Variants in CDKAL1 observed in about 807,000 individuals in gnomAD.
The protein encoded by CDKAL1 is threonylcarbamoyladenosine tRNA methylthiotransferase.
CDKAL1 carries 32 observed loss-of-function variants against 68.2 expected under a neutral mutation model. That is an observed-to-expected ratio of 0.47 (90% CI 0.35 to 0.63). The LOEUF is 0.63. CDKAL1 is among the 30% of genes least tolerant of loss of function. CDKAL1 has a pLI of 0.00. For synonymous variants in CDKAL1, 234 were observed against 244.3 expected, an observed-to-expected ratio of 0.96 and a Z score of 0.39; for missense variants, 606 against 696.7, an observed-to-expected ratio of 0.87 and a Z score of 1.47.
rs1768774316 is a variant in CDKAL1 at position 21,023,145 on chromosome 6, CA to C, written c.1055+22774del. ...TCAATTGATAATTTTTTTTTTTTAC[CA>C]TTAGCCTTTGAACATTAGTAGTAAC... On this transcript the variant is annotated intron_variant, in intron 11 of 15. Coordinates refer to ENST00000274695, the MANE Select transcript of CDKAL1 (RefSeq NM_017774.3). Among the ~76,000 whole-genome samples the C allele has an allele frequency of 2.7e-5, 4 of 149,650 alleles. No homozygotes were observed. In the South Asian group the frequency reaches 8.4e-4, roughly 31 times the overall value.
intron 11 of CDKAL1, among the ~76,000 whole-genome samples, chr6:21,016,802 A>G (rs1222415590): frequency 6.6e-6 from 1 of 152,154 alleles, no homozygotes; most frequent in Non-Finnish European, 1.5e-5. Context: ...TAAATGACTC[A>G]TGTCTAACTT....
chr6:20,548,763 G>C, intron 4 of CDKAL1, 58 bp downstream of exon 4: 1 of 769,004 alleles, frequency 1.3e-6, no homozygotes, highest in South Asian at 1.7e-5. Flanking sequence ...AGCTTTTAGA[G>C]ATAAATAGCC....
intron 5 of CDKAL1, among the ~76,000 whole-genome samples, chr6:20,719,648 A>G (rs12110493): frequency 0.098 from 14,930 of 152,198 alleles, 1,293 homozygotes; most frequent in African/African-American, 0.23. Context: ...CCTCTATTGT[A>G]AAATACAATA....
At chr6:20,746,294 C>A (rs775823771) in intron 6 of CDKAL1, among the ~76,000 whole-genome samples, 2 of 152,170 alleles carry the variant, frequency 1.3e-5, no homozygotes, top group Admixed American at 6.5e-5. Context: ...TGTCATGTAA[C>A]TTCTGTTGAA....
chr6:21,095,979 A>G (rs561096477), intron 12 of CDKAL1, among the ~76,000 whole-genome samples: 28 of 152,308 alleles, frequency 1.8e-4, no homozygotes, highest in Non-Finnish European at 2.4e-4. Flanking sequence ...GCAGAGAGAG[A>G]TATCAGTGAT....
chr6:21,111,597 G>T (rs1774123583), intron 13 of CDKAL1, among the ~76,000 whole-genome samples: 1 of 152,202 alleles, frequency 6.6e-6, no homozygotes, highest in Non-Finnish European at 1.5e-5. Flanking sequence ...CAAAGCCATT[G>T]TTTAGGTTGT....
At chr6:20,985,694 A>T (rs1300177748) in intron 10 of CDKAL1, among the ~76,000 whole-genome samples, 1 of 151,998 alleles carries the variant, frequency 6.6e-6, no homozygotes, top group Non-Finnish European at 1.5e-5. Context: ...CTGAAGCGGG[A>T]GGATCCCTTG....
intron 9 of CDKAL1, among the ~76,000 whole-genome samples, chr6:20,871,885 G>C (rs1419131989): frequency 6.6e-6 from 1 of 152,078 alleles, no homozygotes; most frequent in Non-Finnish European, 1.5e-5. Context: ...CCTTCAATTA[G>C]TTTACAAACA....
intron 9 of CDKAL1, among the ~76,000 whole-genome samples, chr6:20,929,273 T>A (rs7747830): frequency 6.6e-6 from 1 of 152,020 alleles, no homozygotes; most frequent in Non-Finnish European, 1.5e-5. Flanking sequence ...TCAGTTTTTT[T>A]GGGGACTACT....
At chr6:20,938,505 A>G (rs747775158) in intron 9 of CDKAL1, among the ~76,000 whole-genome samples, 1 of 152,152 alleles carries the variant, frequency 6.6e-6, no homozygotes. Flanking sequence ...GTGCACTTCT[A>G]TGTAGACTGA....
chr6:21,192,795 C>A (rs1778308781), intron 13 of CDKAL1, among the ~76,000 whole-genome samples: 1 of 144,966 alleles, frequency 6.9e-6, no homozygotes, highest in Non-Finnish European at 1.5e-5. Context: ...CAAGAAAATA[C>A]TTTGTTGAGA....
intron 4 of CDKAL1, among the ~76,000 whole-genome samples, chr6:20,567,213 A>T (rs967192832): frequency 1.4e-5 from 2 of 145,372 alleles, no homozygotes; most frequent in African/African-American, 5.0e-5. Context: ...GGTCTTTGCC[A>T]TTGAAAGTAA....
intron 4 of CDKAL1, among the ~76,000 whole-genome samples, chr6:20,613,323 A>G (rs1484290229): frequency 1.7e-5 from 2 of 117,094 alleles, no homozygotes; most frequent in East Asian, 2.5e-4. Context: ...CACCCAGGCT[A>G]GAGTGCAGTG....
intron 5 of CDKAL1, among the ~76,000 whole-genome samples, chr6:20,660,548 G>A (rs1179548413): frequency 2.0e-5 from 3 of 152,160 alleles, no homozygotes; most frequent in Non-Finnish European, 4.4e-5. Flanking sequence ...CTCCCTTCTT[G>A]GAGTAGTCAC....
chr6:21,174,405 A>G (rs1166377879), intron 13 of CDKAL1, among the ~76,000 whole-genome samples: 1 of 152,224 alleles, frequency 6.6e-6, no homozygotes, highest in Non-Finnish European at 1.5e-5. Context: ...AAACTTACAC[A>G]TAATGAATGA....
intron 9 of CDKAL1, 137 bp from the exon 10 acceptor site, chr6:20,955,282 G>C: frequency 6.2e-6 from 5 of 812,146 alleles, no homozygotes; most frequent in Non-Finnish European, 9.9e-6. Context: ...GGGATAAGCT[G>C]CTTTTTCTCT....
At chr6:21,006,583 G>A (rs1767740753) in intron 11 of CDKAL1, among the ~76,000 whole-genome samples, 1 of 152,116 alleles carries the variant, frequency 6.6e-6, no homozygotes. Flanking sequence ...GCTACTTTTA[G>A]AACTTTTCTA....
chr6:21,116,105 A>G (rs1178377890), intron 13 of CDKAL1, among the ~76,000 whole-genome samples: 4 of 152,248 alleles, frequency 2.6e-5, no homozygotes, highest in South Asian at 4.1e-4. Context: ...TTGATATCAT[A>G]CCTGTATATT....
chr6:21,202,907 A>G (rs1048168390), intron 15 of CDKAL1, among the ~76,000 whole-genome samples: 1 of 152,146 alleles, frequency 6.6e-6, no homozygotes, highest in Non-Finnish European at 1.5e-5. Flanking sequence ...AATGGCCCAA[A>G]AGTCCCGGAT....
Sources: allele counts gnomAD v4.1 joint callset (sites outside exome capture counted in the v4.1 genomes callset), GRCh38; gene constraint gnomAD v4.1.1; transcripts MANE v1.5; gene names NCBI Gene and HGNC (gene_info 2026-07-23, HGNC 2026-07-21).